NIPSNAP1: variants seen among roughly 807,000 people sequenced by gnomAD.
The protein encoded by NIPSNAP1 is nipsnap homolog 1, also known as protein NipSnap homolog 1.
In NIPSNAP1, 25 loss-of-function variants were observed where a neutral mutation model predicts 49.2. The observed-to-expected ratio is 0.51, with a 90% confidence interval of 0.37 to 0.71. The LOEUF is 0.71. Among genes scored for constraint, NIPSNAP1 ranks in the 30% least tolerant of loss-of-function variants. The pLI is 0.00. For missense variants in NIPSNAP1, 294 were observed against 361.0 expected, an observed-to-expected ratio of 0.81 and a Z score of 1.50; for synonymous variants, 143 against 140.7, an observed-to-expected ratio of 1.02 and a Z score of -0.12.
At chr22:29,564,151 AAGCTAGAGCTAAGGGC>A (rs2064354413) in intron 4 of NIPSNAP1, 1 of 351,966 alleles carries the variant, frequency 2.8e-6, no homozygotes. Flanking sequence ...TCACACAGGC[AAGCTAGAGCTAAGGGC>A]AGCTGGCTGC....
intron 6 of NIPSNAP1, 104 bp from the exon 7 acceptor site, chr22:29,561,306 G>A (rs1601488439): frequency 3.3e-6 from 5 of 1,499,552 alleles, no homozygotes; most frequent in African/African-American, 2.7e-5. Flanking sequence ...CACCTCCCAA[G>A]CTGCAGCGGC....
rs775646166 is a variant in NIPSNAP1 at position 29,581,079 on chromosome 22, C to G, written c.4G>C (p.Ala2Pro). M[A>P]PRLCSISVTA... ...ACAGAGATGCTGCACAGCCGCGGAG[C>G]CATGTTGGAGCCGCAAAGGTTGCAG... Residue 2 changes from alanine (A) to proline (P), a missense_variant, in exon 1 of 10, where the codon GCT becomes CCT. Physicochemically the swap from Ala to Pro is conservative, Grantham distance 27. Coordinates refer to ENST00000216121, the MANE Select transcript of NIPSNAP1 (RefSeq NM_003634.4). The G allele has an allele frequency of 7.8e-6, 12 of 1,541,540 alleles. No individual in the cohort carries two copies. The highest frequency in any genetic ancestry group is 1.0e-5 in the Non-Finnish European group (12 of 1,146,094).
chr22:29,561,153 C>G lies in NIPSNAP1; in HGVS notation c.611+18G>C. 6.2e-7 allele frequency: 1 copy of G among 1,611,188 alleles called. No individual in the cohort carries two copies. Among genetic ancestry groups the G allele is most frequent in the Non-Finnish European group, 8.5e-7 (1 of 1,177,528 alleles). On this transcript the variant is annotated intron_variant, in intron 7 of 9. Coordinates refer to ENST00000216121, the MANE Select transcript of NIPSNAP1 (RefSeq NM_003634.4). ...AGGGTACGCCTCCCCCAACCCCAGT[C>G]TTGGTGCTGCCACTTACCAGTTGTT... is the stretch of plus-strand genomic sequence containing the variant.
chr22:29,573,939 AAAAACAAAAC>A (rs695343), intron 1 of NIPSNAP1, among the ~76,000 whole-genome samples: 49 of 148,306 alleles, frequency 3.3e-4, no homozygotes, highest in African/African-American at 1.1e-3. Flanking sequence ...CCCTGTCTCA[AAAAACAAAAC>A]AAAACAAAAC....
At chr22:29,568,066 C>A (rs2064379716) in intron 4 of NIPSNAP1, among the ~76,000 whole-genome samples, 1 of 150,090 alleles carries the variant, frequency 6.7e-6, no homozygotes, top group East Asian at 2.0e-4. Context: ...ATAGTCCCAG[C>A]TACTCAGGAA....
intron 4 of NIPSNAP1, among the ~76,000 whole-genome samples, chr22:29,562,608 T>C (rs1234350920): frequency 6.7e-6 from 1 of 149,242 alleles, no homozygotes; most frequent in Non-Finnish European, 1.5e-5. Flanking sequence ...GGAGAATCAC[T>C]TGAACCTGGG....
Position 29,561,593 on chromosome 22 carries a change from G to A in NIPSNAP1, c.492C>T (p.Asn164=), listed in dbSNP as rs1364062710. The A allele has an allele frequency of 4.3e-6, 7 of 1,614,096 alleles. No homozygotes were observed. Among genetic ancestry groups the A allele is most frequent in the Non-Finnish European group, 5.9e-6 (7 of 1,179,998 alleles). Residue 164 remains asparagine, a synonymous_variant, in exon 6 of 10, where the codon AAC becomes AAT. Transcript: ENST00000216121. ...AGAAGCTGAACTCGAGGAGCAGCTG[G>A]TTTCTCCTGGACAGCAGCATCTGGC... ...ERSQMLLSRR[N]QLLLEFSFWN...
chr22:29,570,170 G>A lies in NIPSNAP1; in HGVS notation c.264C>T (p.Asn88=). The A allele has an allele frequency of 6.2e-7, 1 of 1,614,004 alleles. No individual in the cohort carries two copies. Among genetic ancestry groups the A allele is most frequent in the African/African-American group, 1.3e-5 (1 of 75,018 alleles). ...GGATGCAGGGTGCTCACGTGAGGCT[G>A]TTGTAGGCATCCAGGTATTCAGGCT... is the stretch of plus-strand genomic sequence containing the variant. ...NVKPEYLDAY[N]SLTEAVLPKL... The change falls in exon 3 of 10, where the codon AAC becomes AAT. Residue 88 remains asparagine (N), a synonymous_variant. Coordinates refer to ENST00000216121, the MANE Select transcript of NIPSNAP1 (RefSeq NM_003634.4).
At chr22:29,572,815 A>C (rs997969039) in intron 1 of NIPSNAP1, among the ~76,000 whole-genome samples, 7 of 151,730 alleles carry the variant, frequency 4.6e-5, no homozygotes, top group Non-Finnish European at 8.8e-5. Flanking sequence ...ATAAAATAAA[A>C]TAAAATAAAA....
At position 29,573,812 on chromosome 22, in the gene NIPSNAP1, G is replaced by A. The variant is rs569077184; in HGVS notation, c.99-3280C>T. Among the ~76,000 whole-genome samples the A allele has an allele frequency of 1.3e-4, 19 of 150,594 alleles. No individual in the cohort carries two copies. The South Asian group carries it at 2.5e-3, about 20-fold the overall frequency. On this transcript the variant is annotated intron_variant, in intron 1 of 9. Coordinates refer to ENST00000216121, the MANE Select transcript of NIPSNAP1 (RefSeq NM_003634.4). ...CCAGGTGTGGTCGAGTGTCAAGTGC[G>A]CCTGTAGTCCCAGCTACTCAGGAGG...
chr22:29,557,001 A>C (rs1271670560), intron 9 of NIPSNAP1, among the ~76,000 whole-genome samples: 4 of 152,142 alleles, frequency 2.6e-5, no homozygotes, highest in Admixed American at 2.6e-4. Flanking sequence ...TGCCCACCTC[A>C]GCCTCCCAAA....
At chr22:29,567,356 T>C (rs1239384663) in intron 4 of NIPSNAP1, among the ~76,000 whole-genome samples, 1 of 152,138 alleles carries the variant, frequency 6.6e-6, no homozygotes, top group African/African-American at 2.4e-5. Context: ...AGAACTCCTA[T>C]TTATTCCACA....
intron 4 of NIPSNAP1, among the ~76,000 whole-genome samples, chr22:29,567,304 TA>T (rs2064374733): frequency 2.6e-5 from 4 of 152,062 alleles, no homozygotes; most frequent in African/African-American, 9.7e-5. Context: ...TGGGGCATGC[TA>T]GGGGTGCCCC....
chr22:29,566,398 G>A (rs886850501), intron 4 of NIPSNAP1, among the ~76,000 whole-genome samples: 2 of 151,944 alleles, frequency 1.3e-5, no homozygotes, highest in Non-Finnish European at 2.9e-5. Context: ...ATTCAATCAC[G>A]GCCTCGAACT....
chr22:29,555,651 T>G lies in NIPSNAP1; in HGVS notation c.*284A>C, dbSNP rs576213312. ...ACTGGTGGCCTTGAGATGAGGAATT[T>G]TAGAAGATAAATGAAGGCCTAAAAG... is the stretch of plus-strand genomic sequence containing the variant. On this transcript the variant is annotated 3_prime_UTR_variant, in exon 10 of 10. Transcript: ENST00000216121. 7.1e-4 allele frequency: 305 copies of G among 427,548 alleles called. 3 individuals carry two copies. The highest frequency in any genetic ancestry group is 1.1e-3 in the Non-Finnish European group (242 of 228,154). 26.5% of individuals were successfully genotyped at this position (427,548 alleles called of 1,614,324 possible). A position where few individuals can be genotyped will look rare whatever the true frequency, so the allele number is the denominator to read the frequency against.
chr22:29,556,271 T>A (rs975412419), intron 9 of NIPSNAP1, among the ~76,000 whole-genome samples: 1 of 152,128 alleles, frequency 6.6e-6, no homozygotes, highest in Admixed American at 6.5e-5. Context: ...GTGCCTATAA[T>A]CCCAGCACTT....
intron 2 of NIPSNAP1, 61 bp from the exon 3 acceptor site, chr22:29,570,268 G>A: frequency 1.2e-6 from 2 of 1,602,366 alleles, no homozygotes; most frequent in Non-Finnish European, 1.7e-6. Flanking sequence ...AAGAACTTGG[G>A]GTGAGGGGAG....
intron 3 of NIPSNAP1, 40 bp downstream of exon 3, chr22:29,570,122 C>T (rs772860194): frequency 1.3e-6 from 2 of 1,593,592 alleles, no homozygotes; most frequent in East Asian, 4.5e-5. Context: ...GTGTTCCCCA[C>T]CCAAGCAGGG....
intron 3 of NIPSNAP1, 152 bp from the exon 4 acceptor site, chr22:29,569,439 C>A: frequency 1.5e-6 from 1 of 688,320 alleles, no homozygotes; most frequent in Non-Finnish European, 2.6e-6. Context: ...CTCAGGACTT[C>A]CGACACTGAA....
Sources: allele counts gnomAD v4.1 joint callset (sites outside exome capture counted in the v4.1 genomes callset), GRCh38; gene constraint gnomAD v4.1.1; transcripts MANE v1.5; gene names NCBI Gene and HGNC (gene_info 2026-07-23, HGNC 2026-07-21).